The following RIOK1 variants were observed in gnomAD, a reference collection of about 807,000 sequenced individuals.
RIOK1 encodes the protein RIO kinase 1.
Under a neutral mutation model 73.5 loss-of-function variants are expected in RIOK1, and 66 were observed. That is an observed-to-expected ratio of 0.90 (90% confidence interval 0.74 to 1.10). The LOEUF is 1.10. Ranked by LOEUF, RIOK1 falls within the 50% of genes least tolerant of loss-of-function variation. The pLI is 0.00. For missense variants in RIOK1, 658 were observed against 699.8 expected (o/e 0.94, Z 0.67); for synonymous variants, 224 against 226.8 (o/e 0.99, Z 0.11).
At chr6:7,416,198 C>T (rs1402341939) in intron 16 of RIOK1, among the ~76,000 whole-genome samples, 1 of 152,234 alleles carries the variant, frequency 6.6e-6, no homozygotes, top group Non-Finnish European at 1.5e-5. Flanking sequence ...ACATACTCAG[C>T]TGCTAGCATA....
intron 14 of RIOK1, among the ~76,000 whole-genome samples, chr6:7,412,091 T>G (rs557022859): frequency 6.6e-6 from 1 of 152,330 alleles, no homozygotes; most frequent in African/African-American, 2.4e-5. Flanking sequence ...CTGGGCGCAG[T>G]GGCTCACACC....
At chr6:7,413,321 G>A (rs936421252) in intron 15 of RIOK1, among the ~76,000 whole-genome samples, 2 of 152,140 alleles carry the variant, frequency 1.3e-5, no homozygotes, top group Admixed American at 6.6e-5. Context: ...TCCTACCAGG[G>A]TATTACTTGT....
chr6:7,406,039 G>A (rs549383564), intron 12 of RIOK1, among the ~76,000 whole-genome samples: 14 of 146,524 alleles, frequency 9.6e-5, no homozygotes, highest in African/African-American at 3.0e-4. Context: ...ACTCTGTCAC[G>A]CAGGCTGGAA....
chr6:7,402,935 C>G (rs1236040466), intron 8 of RIOK1, 38 bp downstream of exon 8: 1 of 1,573,490 alleles, frequency 6.4e-7, no homozygotes, highest in Non-Finnish European at 8.7e-7. Context: ...GTCCTATGCC[C>G]TGTACATGAA....
rs551700567 is a variant in RIOK1 at position 7,399,698 on chromosome 6, C to T, written c.480+958C>T. 2.6e-5 allele frequency among the ~76,000 whole-genome samples: 4 copies of T among 152,312 alleles called. No homozygotes were observed. In the East Asian group the frequency reaches 7.7e-4, roughly 29 times the overall value. ...CCTATGCCCCTGACTTGTCTAACTG[C>T]CAACTTCGCAGAAGCACAGTTCTGT... On this transcript the variant is annotated intron_variant, in intron 5 of 16. Transcript: ENST00000379834.
intron 11 of RIOK1, 97 bp downstream of exon 11, chr6:7,405,118 T>C: frequency 1.7e-6 from 2 of 1,158,810 alleles, no homozygotes; most frequent in South Asian, 2.6e-5. Context: ...CTAAATTGTT[T>C]GGTGCAGTGA....
Position 7,396,777 on chromosome 6 carries a change from G to A in RIOK1, c.437+5G>A, listed in dbSNP as rs1448481034. 1 of 1,506,916 alleles carries A rather than the reference G, an allele frequency of 6.6e-7. No homozygotes were observed. The highest frequency in any genetic ancestry group is 1.7e-5 in the Admixed American group (1 of 58,930). The allele number at this position is 1,506,916 out of a possible 1,614,324, so 93.3% of individuals were successfully genotyped here. On this transcript the variant is annotated splice_donor_5th_base_variant and intron_variant, in intron 4 of 16. Transcript: ENST00000379834. Reference sequence around the variant, plus strand: ...TAGACAAAAGGAAGCAGATATGTAAGTAATATTTTAATAATATGCATGGGT... The same window carrying A: ...TAGACAAAAGGAAGCAGATATGTAAATAATATTTTAATAATATGCATGGGT...
chr6:7,414,155 T>C, intron 15 of RIOK1, 83 bp from the exon 16 acceptor site: 1 of 1,310,122 alleles, frequency 7.6e-7, no homozygotes. Context: ...AAAATCTGAA[T>C]TCTGGCATTA....
chr6:7,390,042 G>A lies in RIOK1; in HGVS notation c.40G>A (p.Gly14Arg), dbSNP rs752842757. 4 of 1,559,024 alleles carry A rather than the reference G, an allele frequency of 2.6e-6. No homozygotes were observed. In the African/African-American group the frequency reaches 4.1e-5, roughly 16 times the overall value. ...GCTTCTCATGAGCCGGGTGGTCCCC[G>A]GGCAATTCGACGACGCGGACTCCTC... ...RRLLMSRVVPGQFDDADSSDS... is the reference protein window; with the variant it reads ...RRLLMSRVVPRQFDDADSSDS... The change falls in exon 1 of 17, where the codon GGG (glycine) becomes AGG (arginine). Residue 14 changes from glycine to arginine, a missense_variant. Physicochemically the swap from Gly to Arg is moderately radical, Grantham distance 125 (BLOSUM62 -2). Transcript: ENST00000379834.
chr6:7,394,214 A>G (rs1162827631), intron 2 of RIOK1, among the ~76,000 whole-genome samples: 1 of 152,220 alleles, frequency 6.6e-6, no homozygotes. Flanking sequence ...TGGGCGGATC[A>G]CCTGAGATCA....
chr6:7,414,218 G>C lies in RIOK1; in HGVS notation c.1444-20G>C. On this transcript the variant is annotated intron_variant, in intron 15 of 16. Coordinates refer to ENST00000379834, the MANE Select transcript of RIOK1 (RefSeq NM_031480.3). ...GTTTGTGTGTTGTTTAGAATAACAT[G>C]GTTCTTTAATAATTTCAAGGTCCCT... 6.3e-7 allele frequency: 1 copy of C among 1,593,850 alleles called. No individual in the cohort carries two copies. The highest frequency in any genetic ancestry group is 8.5e-7 in the Non-Finnish European group (1 of 1,172,848).
At chr6:7,392,629 A>G (rs940961405) in intron 1 of RIOK1, among the ~76,000 whole-genome samples, 1 of 151,908 alleles carries the variant, frequency 6.6e-6, no homozygotes, top group East Asian at 1.9e-4. Flanking sequence ...AAGCAATCCT[A>G]TGGCCTCAGC....
chr6:7,405,021 G>C lies in RIOK1; in HGVS notation c.1096G>C (p.Asp366His), dbSNP rs778035399. Residue 366 changes from aspartate to histidine, a missense_variant and splice_region_variant, in exon 11 of 17, where the codon GAT (aspartate) becomes CAT (histidine). By Grantham distance (81) the Asp-to-His change is moderately conservative (BLOSUM62 -1). Transcript: ENST00000379834. ...FLRKDCANVN[D>H]FFMRHSVAVM... is the part of the protein sequence containing the mutation. Reference sequence around the variant, plus strand: ...GAGAAAGGATTGCGCCAACGTCAATGGTGAGTAGAAACGGCAATTTTCGAA... The same window carrying C: ...GAGAAAGGATTGCGCCAACGTCAATCGTGAGTAGAAACGGCAATTTTCGAA... 1 of 1,612,622 alleles carries C rather than the reference G, an allele frequency of 6.2e-7. No individual in the cohort carries two copies. The highest frequency in any genetic ancestry group is 2.2e-5 in the East Asian group (1 of 44,872).
At position 7,402,825 on chromosome 6, in the gene RIOK1, A is replaced by G. The variant is rs375466090; in HGVS notation, c.695A>G (p.His232Arg). 1.2e-5 allele frequency: 19 copies of G among 1,612,390 alleles called. No homozygotes were observed. The African/African-American group carries it at 1.3e-4, about 11-fold the overall frequency. ...KYVSGEFRFRHGYCKGNPRKM... is the reference protein window; with the variant it reads ...KYVSGEFRFRRGYCKGNPRKM... ...CATTTTTCTTATTCAAGATTTCGTC[A>G]TGGCTATTGTAAAGGAAACCCTAGG... The change falls in exon 8 of 17, where the codon CAT becomes CGT. Residue 232 changes from histidine to arginine, a missense_variant. By Grantham distance (29) the His-to-Arg change is conservative (BLOSUM62 0). Transcript: ENST00000379834.
At chr6:7,404,062 A>C in intron 9 of RIOK1, 35 bp downstream of exon 9, 21 of 1,380,666 alleles carry the variant, frequency 1.5e-5, no homozygotes, top group African/African-American at 2.8e-5. Context: ...TTGCATTCTC[A>C]GAACTGTATT....
At chr6:7,395,472 C>A (rs747935421) in intron 3 of RIOK1, among the ~76,000 whole-genome samples, 1 of 146,964 alleles carries the variant, frequency 6.8e-6, no homozygotes, top group Admixed American at 6.9e-5. Flanking sequence ...GAGATTGTGC[C>A]GTTGCACTCC....
Position 7,404,009 on chromosome 6 carries a change from T to C in RIOK1, c.836T>C (p.Phe279Ser). 2 of 1,610,360 alleles carry C rather than the reference T, an allele frequency of 1.2e-6. No homozygotes were observed. ...AGAAGTCATGTTCTTGTCATGAGTT[T>C]CATCGGTAAAGATGACATGTAAGTA... Reference protein sequence around the residue: ...MLRSHVLVMSFIGKDDMPAPL... With the variant: ...MLRSHVLVMSSIGKDDMPAPL... Residue 279 changes from phenylalanine to serine, a missense_variant, in exon 9 of 17, where the codon TTC becomes TCC. Coordinates refer to ENST00000379834, the MANE Select transcript of RIOK1 (RefSeq NM_031480.3).
rs111560975 is a variant in RIOK1, at chr6:7,404,643, A to G, written c.992+88A>G. On this transcript the variant is annotated intron_variant, in intron 10 of 16. Coordinates refer to ENST00000379834, the MANE Select transcript of RIOK1 (RefSeq NM_031480.3). ...ACAAAATCCCAATCCAAGAAGTCAC[A>G]CTAACTTCTGAAGTTTTATTGTTGA... 5 of 1,466,106 alleles carry G rather than the reference A, an allele frequency of 3.4e-6. No individual in the cohort carries two copies. In the African/African-American group the frequency reaches 5.6e-5, roughly 16 times the overall value. The allele number at this position is 1,466,106 out of a possible 1,614,324, so 90.8% of individuals were successfully genotyped here.
intron 5 of RIOK1, 125 bp from the exon 6 acceptor site, chr6:7,400,833 C>G: frequency 1.7e-6 from 1 of 587,054 alleles, no homozygotes; most frequent in Non-Finnish European, 3.0e-6. Context: ...AATAGTGACT[C>G]TCATTTAGTC....
Sources: allele counts gnomAD v4.1 joint callset (sites outside exome capture counted in the v4.1 genomes callset), GRCh38; gene constraint gnomAD v4.1.1; transcripts MANE v1.5; gene names NCBI Gene and HGNC (gene_info 2026-07-23, HGNC 2026-07-21).